Variants in GNA14 observed in about 807,000 individuals in gnomAD.
GNA14 encodes guanine nucleotide-binding protein subunit alpha-14.
GNA14 carries 50 observed loss-of-function variants against 42.0 expected under a neutral mutation model. That is an observed-to-expected ratio of 1.19 (90% CI 0.95 to 1.51). GNA14 has a LOEUF of 1.51. Among genes scored for constraint, GNA14 ranks in the 40% most tolerant of loss-of-function variants. The pLI is 0.00. For missense variants in GNA14, 473 were observed against 446.2 expected, an observed-to-expected ratio of 1.06 and a Z score of -0.54; for synonymous variants, 173 against 163.1, an observed-to-expected ratio of 1.06 and a Z score of -0.46.
intron 3 of GNA14, among the ~76,000 whole-genome samples, chr9:77,432,982 G>A (rs180731567): frequency 1.4e-4 from 21 of 152,302 alleles, no homozygotes; most frequent in African/African-American, 4.8e-4. Context: ...TGGGGTTTCT[G>A]TATTTTCCTG....
intron 2 of GNA14, among the ~76,000 whole-genome samples, chr9:77,457,883 T>TC (rs1255444959): frequency 6.6e-6 from 1 of 152,182 alleles, no homozygotes; most frequent in Non-Finnish European, 1.5e-5. Context: ...CTCTGCTTTT[T>TC]TTTTTCTTTT....
chr9:77,527,569 G>T (rs1837459801), intron 2 of GNA14, among the ~76,000 whole-genome samples: 1 of 152,152 alleles, frequency 6.6e-6, no homozygotes. Context: ...CTTCCAATGT[G>T]GCCCAGGAAA....
intron 2 of GNA14, among the ~76,000 whole-genome samples, chr9:77,493,631 A>G (rs1200269646): frequency 6.6e-6 from 1 of 152,206 alleles, no homozygotes. Context: ...TTGAATAATT[A>G]TGTATCTTTC....
At chr9:77,496,804 A>G (rs1254453591) in intron 2 of GNA14, among the ~76,000 whole-genome samples, 4 of 152,224 alleles carry the variant, frequency 2.6e-5, no homozygotes, top group Non-Finnish European at 5.9e-5. Context: ...GGGATCAATC[A>G]AATTTTATGC....
At chr9:77,568,211 G>C (rs1336626683) in intron 1 of GNA14, among the ~76,000 whole-genome samples, 1 of 152,176 alleles carries the variant, frequency 6.6e-6, no homozygotes, top group Admixed American at 6.5e-5. Flanking sequence ...AGCACTTTGT[G>C]AGGCCGAGGT....
intron 2 of GNA14, among the ~76,000 whole-genome samples, chr9:77,457,709 C>G (rs527628702): frequency 1.3e-5 from 2 of 152,292 alleles, no homozygotes; most frequent in South Asian, 4.1e-4. Flanking sequence ...TATAGACACC[C>G]TCACGCCGCC....
At chr9:77,641,857 T>A (rs953117649) in intron 1 of GNA14, among the ~76,000 whole-genome samples, 4 of 152,028 alleles carry the variant, frequency 2.6e-5, no homozygotes, top group Admixed American at 2.0e-4. Flanking sequence ...TAAGAGATTA[T>A]CCCTATTTTT....
intron 1 of GNA14, among the ~76,000 whole-genome samples, chr9:77,587,322 G>A (rs957772788): frequency 6.6e-6 from 1 of 152,138 alleles, no homozygotes; most frequent in African/African-American, 2.4e-5. Context: ...AATACTGAAA[G>A]CAGGAACTCA....
intron 2 of GNA14, among the ~76,000 whole-genome samples, chr9:77,521,301 C>T (rs772312570): frequency 5.9e-5 from 9 of 152,104 alleles, no homozygotes; most frequent in Non-Finnish European, 1.0e-4. Context: ...CCTTGGGCTA[C>T]GGCCAAAGTT....
At chr9:77,594,209 A>G (rs1144430) in intron 1 of GNA14, among the ~76,000 whole-genome samples, 96,026 of 152,144 alleles carry the variant, frequency 0.63, 32,343 homozygotes, top group East Asian at 0.84. Flanking sequence ...AGTCTTGAGT[A>G]TAGAACTGGG....
intron 1 of GNA14, among the ~76,000 whole-genome samples, chr9:77,532,352 G>C (rs1837542169): frequency 6.6e-6 from 1 of 152,200 alleles, no homozygotes; most frequent in East Asian, 1.9e-4. Flanking sequence ...ACCTGGTACA[G>C]AGATTTCAAT....
At position 77,445,086 on chromosome 9, in the gene GNA14, G is replaced by T. The variant is rs530900175; in HGVS notation, c.310-10564C>A. Among the ~76,000 whole-genome samples the T allele has an allele frequency of 3.7e-4, 56 of 152,204 alleles. 1 individual carries two copies. Among genetic ancestry groups the T allele is most frequent in the Non-Finnish European group, 6.8e-4 (46 of 68,038 alleles). ...CAACTGGGGAGGAGTGAAGGGATGA[G>T]CCAACTAGTACTTCCCACTAGAGGT... On this transcript the variant is annotated intron_variant, in intron 2 of 6. Transcript: ENST00000341700.
At chr9:77,471,339 A>G (rs1387633734) in intron 2 of GNA14, among the ~76,000 whole-genome samples, 5 of 152,166 alleles carry the variant, frequency 3.3e-5, no homozygotes, top group Admixed American at 6.6e-5. Context: ...CTTGCAACAA[A>G]TTAACATTGA....
In GNA14 at chr9:77,544,790, T is replaced by C. The variant is rs532431409; in HGVS notation, c.125-15537A>G. On this transcript the variant is annotated intron_variant, in intron 1 of 6. Transcript: ENST00000341700. ...GGCAAATTGTAAGCATATTCATTAA[T>C]GGTTTTAGAATCTCTAAAACTCACT... 3.9e-5 allele frequency among the ~76,000 whole-genome samples: 6 copies of C among 152,296 alleles called. No individual in the cohort carries two copies. The East Asian group carries it at 1.2e-3, about 29-fold the overall frequency.
At chr9:77,506,612 G>T (rs1837075094) in intron 2 of GNA14, among the ~76,000 whole-genome samples, 1 of 152,064 alleles carries the variant, frequency 6.6e-6, no homozygotes, top group South Asian at 2.1e-4. Flanking sequence ...AGGAGGCGGA[G>T]GTTGCAGTGA....
intron 2 of GNA14, among the ~76,000 whole-genome samples, chr9:77,469,306 C>CAT (rs1836286487): frequency 1.5e-5 from 2 of 136,478 alleles, no homozygotes; most frequent in African/African-American, 5.4e-5. Flanking sequence ...GTATTGCATT[C>CAT]ATATATAAAT....
At chr9:77,473,109 AAAG>A (rs1836360481) in intron 2 of GNA14, among the ~76,000 whole-genome samples, 1 of 152,216 alleles carries the variant, frequency 6.6e-6, no homozygotes, top group African/African-American at 2.4e-5. Flanking sequence ...ACTTAACACA[AAAG>A]AAGTACAAAA....
chr9:77,589,095 C>A (rs1374203433), intron 1 of GNA14, among the ~76,000 whole-genome samples: 2 of 152,214 alleles, frequency 1.3e-5, no homozygotes, highest in East Asian at 3.9e-4. Context: ...GGAATCACAG[C>A]ACTTTTGTAT....
intron 3 of GNA14, chr9:77,431,804 C>G: frequency 4.9e-6 from 1 of 202,220 alleles, no homozygotes; most frequent in Non-Finnish European, 1.0e-5. Flanking sequence ...CATCTGTCAT[C>G]CTCCCTCCAG....
Sources: allele counts gnomAD v4.1 joint callset (sites outside exome capture counted in the v4.1 genomes callset), GRCh38; gene constraint gnomAD v4.1.1; transcripts MANE v1.5; gene names NCBI Gene and HGNC (gene_info 2026-07-23, HGNC 2026-07-21).